The following TXNDC16 variants were observed in gnomAD, a reference collection of about 807,000 sequenced individuals.
The protein encoded by TXNDC16 is thioredoxin domain containing 16, also known as thioredoxin domain-containing protein 16.
Under a neutral mutation model 85.6 loss-of-function variants are expected in TXNDC16, and 74 were observed. The observed-to-expected ratio is 0.86, with a 90% CI of 0.72 to 1.05. The LOEUF is 1.05. Ranked by LOEUF, TXNDC16 falls within the 50% of genes least tolerant of loss-of-function variation. The pLI, the probability that TXNDC16 is intolerant of heterozygous loss-of-function variation, is 0.00. For missense variants in TXNDC16, 959 were observed against 947.0 expected, an observed-to-expected ratio of 1.01 and a Z score of -0.17; for synonymous variants, 335 against 326.5, an observed-to-expected ratio of 1.03 and a Z score of -0.28.
chr14:52,470,629 A>G lies in TXNDC16; in HGVS notation c.1364T>C (p.Val455Ala). The change falls in exon 15 of 21, where the codon GTA (valine) becomes GCA (alanine). Residue 455 changes from valine (V) to alanine (A), a missense_variant. By Grantham distance (64) the Val-to-Ala change is moderately conservative (BLOSUM62 0). Transcript: ENST00000281741. ...TTCAGTAACATTTTGCTTAGTACAT[A>G]CATCAGACCAATCTGCACAGTTTAT... Reference protein sequence around the residue: ...TRINCADWSDVCTKQNVTEFP... With the variant: ...TRINCADWSDACTKQNVTEFP... The G allele has an allele frequency of 6.2e-7, 1 of 1,613,880 alleles. No individual in the cohort carries two copies. The highest frequency in any genetic ancestry group is 1.1e-5 in the South Asian group (1 of 91,020).
At chr14:52,516,778 CA>C (rs1425194000) in intron 7 of TXNDC16, among the ~76,000 whole-genome samples, 1 of 152,116 alleles carries the variant, frequency 6.6e-6, no homozygotes, top group Non-Finnish European at 1.5e-5. Context: ...TGCATATCAT[CA>C]GATCATTCCA....
At chr14:52,527,940 G>A (rs1210968273) in intron 6 of TXNDC16, among the ~76,000 whole-genome samples, 1 of 151,970 alleles carries the variant, frequency 6.6e-6, no homozygotes, top group Non-Finnish European at 1.5e-5. Context: ...TTAATAGATT[G>A]ACAAGTCACT....
intron 6 of TXNDC16, among the ~76,000 whole-genome samples, chr14:52,536,188 A>C (rs1003640684): frequency 1.3e-5 from 2 of 152,204 alleles, no homozygotes; most frequent in African/African-American, 2.4e-5. Context: ...TTAGTGCCCT[A>C]ATAAAAGAGA....
At chr14:52,536,313 C>T (rs530900706) in intron 6 of TXNDC16, among the ~76,000 whole-genome samples, 29 of 152,296 alleles carry the variant, frequency 1.9e-4, no homozygotes, top group Admixed American at 1.8e-3. Context: ...TGATCTTGGA[C>T]GTCCCAGATT....
At chr14:52,536,893 T>G in intron 5 of TXNDC16, 100 bp from the exon 6 acceptor site, 2 of 1,003,980 alleles carry the variant, frequency 2.0e-6, no homozygotes, top group Non-Finnish European at 3.0e-6. Context: ...TTATAAGGTC[T>G]TTGATGTTAC....
intron 6 of TXNDC16, among the ~76,000 whole-genome samples, chr14:52,525,742 AAT>A (rs1226959280): frequency 0.047 from 5,227 of 110,494 alleles, 132 homozygotes; most frequent in South Asian, 0.086. Flanking sequence ...TAATAATAAT[AAT>A]AAATAAAAAT....
At chr14:52,551,359 G>T (rs1040745355) in intron 1 of TXNDC16, among the ~76,000 whole-genome samples, 6 of 150,850 alleles carry the variant, frequency 4.0e-5, no homozygotes, top group African/African-American at 9.7e-5. Flanking sequence ...AGTGCCTGTA[G>T]TCCCAGCTAC....
intron 6 of TXNDC16, among the ~76,000 whole-genome samples, chr14:52,536,399 C>G (rs1437685556): frequency 6.6e-6 from 1 of 152,144 alleles, no homozygotes; most frequent in African/African-American, 2.4e-5. Flanking sequence ...GCTACCCAGT[C>G]TACTGTATTT....
chr14:52,437,388 T>C (rs2035053180), intron 20 of TXNDC16, among the ~76,000 whole-genome samples: 1 of 152,126 alleles, frequency 6.6e-6, no homozygotes, highest in African/African-American at 2.4e-5. Context: ...CTGGACCTTA[T>C]CTCACTCTTA....
chr14:52,465,452 C>G lies in TXNDC16; in HGVS notation c.1618+4585G>C, dbSNP rs1403531183. Among the ~76,000 whole-genome samples, 4 of 152,048 alleles carry G rather than the reference C, an allele frequency of 2.6e-5. No individual in the cohort carries two copies. In the East Asian group the frequency reaches 7.8e-4, roughly 29 times the overall value. On this transcript the variant is annotated intron_variant, in intron 16 of 20. Transcript: ENST00000281741. ...CTAAAAATACAAAGAGTCAGCCGGG[C>G]TTGGTGGCGGGCGCCTGTAGTCCCA...
At position 52,439,359 on chromosome 14, in the gene TXNDC16, G is replaced by T; in HGVS notation, c.2039C>A (p.Ala680Glu). 1 of 1,613,816 alleles carries T rather than the reference G, an allele frequency of 6.2e-7. No homozygotes were observed. Among genetic ancestry groups the T allele is most frequent in the South Asian group, 1.1e-5 (1 of 91,050 alleles). ...AAGGGGAGGCAGAGGATCAAAATAT[G>T]CCCTCAAGATTCCTCTCCCCACTGG... ...NTPVGRGILR[A>E]YFDPLPPLPL... is the part of the protein sequence containing the mutation. Residue 680 changes from alanine (A) to glutamate (E), a missense_variant, in exon 20 of 21, where the codon GCA (alanine) becomes GAA (glutamate). Coordinates refer to ENST00000281741, the MANE Select transcript of TXNDC16 (RefSeq NM_020784.3).
Position 52,439,210 on chromosome 14 carries a change from G to C in TXNDC16, c.2188C>G (p.His730Asp). The C allele has an allele frequency of 6.2e-7, 1 of 1,613,530 alleles. No individual in the cohort carries two copies. The highest frequency in any genetic ancestry group is 8.5e-7 in the Non-Finnish European group (1 of 1,179,738). ...AACAAAACAGAAAACTTACTGATAT[G>C]ATTTTCTAGTCCTGCTTCTAATTTC... is the stretch of plus-strand genomic sequence containing the variant. Reference protein sequence around the residue: ...LKKLEAGLENHITILPAQEWK... With the variant: ...LKKLEAGLENDITILPAQEWK... Residue 730 changes from histidine (H) to aspartate (D), a missense_variant, in exon 20 of 21, where the codon CAT becomes GAT. Coordinates refer to ENST00000281741, the MANE Select transcript of TXNDC16 (RefSeq NM_020784.3).
At chr14:52,502,750 C>T (rs951354683) in intron 9 of TXNDC16, among the ~76,000 whole-genome samples, 5 of 152,098 alleles carry the variant, frequency 3.3e-5, no homozygotes, top group African/African-American at 9.7e-5. Context: ...TACAGCGCAC[C>T]GAGCGTGACC....
intron 16 of TXNDC16, chr14:52,462,733 T>C (rs986969792): frequency 2.3e-5 from 8 of 353,184 alleles, no homozygotes; most frequent in African/African-American, 1.7e-4. Context: ...TAAGCCTAAT[T>C]AGAGAGTCCT....
chr14:52,537,373 A>G (rs960065433), intron 5 of TXNDC16, among the ~76,000 whole-genome samples: 2 of 152,204 alleles, frequency 1.3e-5, no homozygotes, highest in African/African-American at 4.8e-5. Context: ...TTTACACAAG[A>G]GCCTCACAAA....
chr14:52,488,008 C>T (rs2140150738), intron 12 of TXNDC16, among the ~76,000 whole-genome samples: 1 of 152,232 alleles, frequency 6.6e-6, no homozygotes, highest in South Asian at 2.1e-4. Flanking sequence ...AACTCCATTT[C>T]CTAATAAAAA....
At chr14:52,478,767 C>G (rs1287907341) in intron 14 of TXNDC16, among the ~76,000 whole-genome samples, 1 of 152,078 alleles carries the variant, frequency 6.6e-6, no homozygotes. Context: ...CCTATTGACA[C>G]TATTCCACAA....
chr14:52,455,803 T>G (rs2035519242), intron 17 of TXNDC16, among the ~76,000 whole-genome samples: 1 of 152,166 alleles, frequency 6.6e-6, no homozygotes, highest in African/African-American at 2.4e-5. Context: ...CAATGCTGAG[T>G]AAGAAAATGG....
At chr14:52,528,372 A>T (rs887630886) in intron 6 of TXNDC16, among the ~76,000 whole-genome samples, 2 of 152,162 alleles carry the variant, frequency 1.3e-5, no homozygotes, top group African/African-American at 4.8e-5. Context: ...AGAACAATCC[A>T]AACATCTGTA....
Sources: gnomAD v4.1 joint callset for allele counts (sites outside exome capture counted in the v4.1 genomes callset) on GRCh38, gnomAD v4.1.1 for gene constraint, MANE v1.5 for transcripts, NCBI Gene and HGNC (gene_info 2026-07-23, HGNC 2026-07-21) for gene names.